The following PLPPR1 variants were observed in gnomAD, a reference collection of about 807,000 sequenced individuals.
PLPPR1 encodes the protein phospholipid phosphatase-related protein type 1.
In PLPPR1, 10 loss-of-function variants were observed where a neutral mutation model predicts 33.1. The observed-to-expected ratio is 0.30, with a 90% CI of 0.19 to 0.51. The LOEUF is 0.51. PLPPR1 is among the 20% of genes least tolerant of loss of function. The pLI is 0.97. For missense variants in PLPPR1, 304 were observed against 408.1 expected, an observed-to-expected ratio of 0.74 and a Z score of 2.20; for synonymous variants, 151 against 151.0, an observed-to-expected ratio of 1.00 and a Z score of 0.00.
rs538065241 is a variant in PLPPR1 at position 101,164,118 on chromosome 9, T to G, written c.-45-21332T>G. On this transcript the variant is annotated intron_variant, in intron 1 of 7. Coordinates refer to ENST00000374874, the MANE Select transcript of PLPPR1 (RefSeq NM_207299.2). ...GTGGGTTAAGCCCTTTACTTCCTTT[T>G]TTTTAAATTATTTTTACAGAGAAGA... 2.6e-5 allele frequency among the ~76,000 whole-genome samples: 4 copies of G among 152,304 alleles called. No individual in the cohort carries two copies. The East Asian group carries it at 7.7e-4, about 29-fold the overall frequency.
In PLPPR1 at chr9:101,281,305, A is replaced by G. The variant is rs141719814; in HGVS notation, c.253-4799A>G. ...AAGACATTTCATGTTTGTGGATTAGAAGAATATTGTTAAAATGCCCATACT... is the reference window on the plus strand; with the variant it reads ...AAGACATTTCATGTTTGTGGATTAGGAGAATATTGTTAAAATGCCCATACT... On this transcript the variant is annotated intron_variant, in intron 3 of 7. Transcript: ENST00000374874. Among the ~76,000 whole-genome samples, 28 of 152,276 alleles carry G rather than the reference A, an allele frequency of 1.8e-4. 1 individual carries two copies. Among genetic ancestry groups the G allele is most frequent in the African/African-American group, 6.3e-4 (26 of 41,576 alleles).
intron 5 of PLPPR1, among the ~76,000 whole-genome samples, chr9:101,312,071 T>G (rs1397718686): frequency 6.6e-6 from 1 of 152,248 alleles, no homozygotes; most frequent in African/African-American, 2.4e-5. Context: ...TATCATCTTT[T>G]ACTTAGCTCA....
chr9:101,268,280 GAAAAAAA>G (rs369534800), intron 2 of PLPPR1, among the ~76,000 whole-genome samples: 1 of 144,012 alleles, frequency 6.9e-6, no homozygotes. Context: ...TCTTTGATGT[GAAAAAAA>G]AAAAGAAAAA....
At chr9:101,182,040 T>C (rs1365849983) in intron 1 of PLPPR1, among the ~76,000 whole-genome samples, 1 of 151,206 alleles carries the variant, frequency 6.6e-6, no homozygotes, top group Non-Finnish European at 1.5e-5. Flanking sequence ...TTGGTGAACA[T>C]ATATATGTAG....
At chr9:101,086,810 T>C (rs900075094) in intron 1 of PLPPR1, among the ~76,000 whole-genome samples, 1 of 152,192 alleles carries the variant, frequency 6.6e-6, no homozygotes, top group Non-Finnish European at 1.5e-5. Flanking sequence ...GAAAACTCTA[T>C]ATCCACAGTG....
intron 2 of PLPPR1, among the ~76,000 whole-genome samples, chr9:101,237,283 A>T (rs1379738647): frequency 6.6e-6 from 1 of 151,780 alleles, no homozygotes; most frequent in African/African-American, 2.4e-5. Flanking sequence ...AGAACTGAAA[A>T]TAGAACCACC....
intron 1 of PLPPR1, among the ~76,000 whole-genome samples, chr9:101,068,365 C>T (rs1588014930): frequency 6.6e-6 from 1 of 151,944 alleles, no homozygotes. Flanking sequence ...GAGGACAGAG[C>T]AGACAAGTCC....
At chr9:101,179,856 G>A (rs996911114) in intron 1 of PLPPR1, among the ~76,000 whole-genome samples, 6 of 151,604 alleles carry the variant, frequency 4.0e-5, no homozygotes, top group Non-Finnish European at 7.4e-5. Flanking sequence ...AATCTGGATG[G>A]GCACCATCTA....
intron 2 of PLPPR1, among the ~76,000 whole-genome samples, chr9:101,231,439 C>T (rs564955809): frequency 6.6e-6 from 1 of 151,440 alleles, no homozygotes; most frequent in South Asian, 2.1e-4. Flanking sequence ...AGATTTAGCA[C>T]AAATTCTCCT....
At chr9:101,054,123 G>A (rs547084255) in intron 1 of PLPPR1, among the ~76,000 whole-genome samples, 4 of 152,268 alleles carry the variant, frequency 2.6e-5, no homozygotes, top group African/African-American at 7.2e-5. Context: ...GCCGGAGGTT[G>A]CAGTGAGCTG....
intron 5 of PLPPR1, among the ~76,000 whole-genome samples, chr9:101,310,001 A>G (rs1039420339): frequency 3.3e-5 from 5 of 152,164 alleles, no homozygotes; most frequent in African/African-American, 7.2e-5. Flanking sequence ...ATGATCCTAG[A>G]AAAACCTCAA....
chr9:101,084,169 T>C (rs944838103), intron 1 of PLPPR1, among the ~76,000 whole-genome samples: 2 of 152,164 alleles, frequency 1.3e-5, no homozygotes, highest in Non-Finnish European at 2.9e-5. Flanking sequence ...GTCCTAGCCA[T>C]TGGAGGAGTA....
chr9:101,241,850 G>C (rs1005062201), intron 2 of PLPPR1, among the ~76,000 whole-genome samples: 1 of 152,078 alleles, frequency 6.6e-6, no homozygotes, highest in Non-Finnish European at 1.5e-5. Context: ...AACATTTGTA[G>C]TGGTTGCTTT....
At chr9:101,107,829 A>T (rs2118566629) in intron 1 of PLPPR1, among the ~76,000 whole-genome samples, 1 of 149,618 alleles carries the variant, frequency 6.7e-6, no homozygotes, top group Non-Finnish European at 1.5e-5. Context: ...CCTCTCAGCC[A>T]GGTGTGGGAT....
At chr9:101,125,147 C>T (rs1434486975) in intron 1 of PLPPR1, among the ~76,000 whole-genome samples, 1 of 151,058 alleles carries the variant, frequency 6.6e-6, no homozygotes, top group Non-Finnish European at 1.5e-5. Flanking sequence ...CTAGTCTTTG[C>T]TTTTGTACCT....
intron 1 of PLPPR1, among the ~76,000 whole-genome samples, chr9:101,048,661 G>A (rs1167874773): frequency 4.6e-5 from 7 of 152,184 alleles, no homozygotes; most frequent in African/African-American, 1.4e-4. Context: ...AGTCACAGAA[G>A]CATTGATTTT....
chr9:101,066,922 T>A (rs372980684), intron 1 of PLPPR1, among the ~76,000 whole-genome samples: 1 of 152,054 alleles, frequency 6.6e-6, no homozygotes, highest in East Asian at 1.9e-4. Context: ...AACACTTACC[T>A]ACCATTTATT....
intron 1 of PLPPR1, among the ~76,000 whole-genome samples, chr9:101,131,061 A>G (rs1259578119): frequency 1.3e-5 from 2 of 152,224 alleles, no homozygotes; most frequent in Non-Finnish European, 2.9e-5. Flanking sequence ...TTAACGATAA[A>G]TATGTGCTTA....
At position 101,270,005 on chromosome 9, in the gene PLPPR1, G is replaced by A; in HGVS notation, c.189G>A (p.Glu63=). 9 of 1,614,192 alleles carry A rather than the reference G, an allele frequency of 5.6e-6. No individual in the cohort carries two copies. The highest frequency in any genetic ancestry group is 1.3e-5 in the African/African-American group (1 of 75,052). ...GDLMKPYPGT[E]EESFITPLVL... ...TAATGAAGCCTTACCCAGGGACAGAGGAAGAAAGCTTCATCACCCCTCTGG... is the reference window on the plus strand; with the variant it reads ...TAATGAAGCCTTACCCAGGGACAGAAGAAGAAAGCTTCATCACCCCTCTGG... The change falls in exon 3 of 8, where the codon GAG becomes GAA. Residue 63 remains glutamate (E), a synonymous_variant. Transcript: ENST00000374874.
Sources: allele counts gnomAD v4.1 joint callset (sites outside exome capture counted in the v4.1 genomes callset), GRCh38; gene constraint gnomAD v4.1.1; transcripts MANE v1.5; gene names NCBI Gene and HGNC (gene_info 2026-07-23, HGNC 2026-07-21).